The following CKAP5 variants were observed in gnomAD, a reference collection of about 807,000 sequenced individuals.
CKAP5 encodes cytoskeleton associated protein 5, also known as cytoskeleton-associated protein 5.
In CKAP5, 27 loss-of-function variants were observed where a neutral mutation model predicts 232.8. That is an observed-to-expected ratio of 0.12 (90% CI 0.09 to 0.16). The LOEUF (loss-of-function observed/expected upper bound fraction) is 0.16, where lower values mean the gene tolerates loss of function less well. Ranked by LOEUF, CKAP5 falls within the 10% of genes least tolerant of loss-of-function variation. CKAP5 has a pLI of 1.00. For missense variants in CKAP5, 1,838 were observed against 2,424.7 expected (o/e 0.76, Z 5.08); for synonymous variants, 785 against 841.1 (o/e 0.93, Z 1.16).
chr11:46,765,372 T>C (rs1414840409), intron 27 of CKAP5, 116 bp from the exon 28 acceptor site: 10 of 920,254 alleles, frequency 1.1e-5, no homozygotes, highest in Non-Finnish European at 1.5e-5. Flanking sequence ...TACGTGATAT[T>C]TCACATGAAA....
At chr11:46,778,903 C>T (rs894187717) in intron 20 of CKAP5, among the ~76,000 whole-genome samples, 1 of 151,986 alleles carries the variant, frequency 6.6e-6, no homozygotes, top group Non-Finnish European at 1.5e-5. Context: ...GGTGAAACCT[C>T]GTCTATACTA....
intron 1 of CKAP5, among the ~76,000 whole-genome samples, chr11:46,845,653 C>T (rs79319704): frequency 0.025 from 3,784 of 152,266 alleles, 150 homozygotes; most frequent in African/African-American, 0.086. Context: ...ACGCTCCCGA[C>T]ACGTTGAGAG....
chr11:46,798,337 G>A (rs1184679827), intron 9 of CKAP5, among the ~76,000 whole-genome samples, 165 bp from the exon 10 acceptor site: 1 of 152,142 alleles, frequency 6.6e-6, no homozygotes, highest in Non-Finnish European at 1.5e-5. Flanking sequence ...CACTTTGGGA[G>A]GCTGAGGCAG....
intron 1 of CKAP5, among the ~76,000 whole-genome samples, chr11:46,840,875 TA>T (rs201939718): frequency 1.3e-4 from 19 of 151,024 alleles, no homozygotes; most frequent in African/African-American, 4.1e-4. Flanking sequence ...GAAGCACAGG[TA>T]AAAAAAAACC....
intron 3 of CKAP5, 37 bp downstream of exon 3, chr11:46,818,273 G>C: frequency 6.8e-7 from 1 of 1,475,204 alleles, no homozygotes. Flanking sequence ...CACCAAACAG[G>C]GGTTTTTATC....
intron 1 of CKAP5, among the ~76,000 whole-genome samples, chr11:46,830,179 C>T (rs146245437): frequency 5.7e-4 from 86 of 152,042 alleles, no homozygotes; most frequent in Non-Finnish European, 1.1e-3. Context: ...CGGTGGCTCA[C>T]GCCTGCAATC....
At chr11:46,770,380 A>G in intron 25 of CKAP5, 1 of 389,042 alleles carries the variant, frequency 2.6e-6, no homozygotes, top group Non-Finnish European at 4.6e-6. Flanking sequence ...ACGATTTCAA[A>G]TTGAGACTCA....
At chr11:46,813,969 A>T (rs1471333543) in intron 4 of CKAP5, among the ~76,000 whole-genome samples, 1 of 151,586 alleles carries the variant, frequency 6.6e-6, no homozygotes, top group Non-Finnish European at 1.5e-5. Flanking sequence ...CATCTCTATT[A>T]AAGAAAAAAA....
At chr11:46,840,368 G>C (rs932596911) in intron 1 of CKAP5, among the ~76,000 whole-genome samples, 4 of 152,068 alleles carry the variant, frequency 2.6e-5, no homozygotes, top group Non-Finnish European at 4.4e-5. Flanking sequence ...CCTGAATCTA[G>C]AACAATGTGT....
chr11:46,752,305 T>C (rs567107536), intron 38 of CKAP5, among the ~76,000 whole-genome samples: 65 of 147,552 alleles, frequency 4.4e-4, no homozygotes, highest in South Asian at 1.1e-3. Context: ...ATAATACACA[T>C]ATATATAAAA....
intron 2 of CKAP5, among the ~76,000 whole-genome samples, chr11:46,820,071 A>G (rs1473194894): frequency 6.6e-6 from 1 of 152,092 alleles, no homozygotes; most frequent in Non-Finnish European, 1.5e-5. Flanking sequence ...CAAAAATCGG[A>G]AAGTCTAAGA....
intron 35 of CKAP5, 80 bp from the exon 36 acceptor site, chr11:46,755,147 A>G (rs4237546): frequency 1 from 977,383 of 978,326 alleles, 488,220 homozygotes; most frequent in East Asian, 1. Context: ...AAACTTCTCC[A>G]TAAGAATATT....
chr11:46,818,456 G>T lies in CKAP5; in HGVS notation c.105C>A (p.Phe35Leu), dbSNP rs751971869. The change falls in exon 3 of 44, where the codon TTC (phenylalanine) becomes TTA (leucine). Residue 35 changes from phenylalanine to leucine, a missense_variant. By Grantham distance (22) the Phe-to-Leu change is conservative. Transcript: ENST00000529230. ...GGCTCTTTTCATCCTTTATTTTCTG[G>T]AAGATCTTCAGGGCCTCTTCATACC... ...LSGYEEALKI[F>L]QKIKDEKSPE... is the part of the protein sequence containing the mutation. 4 of 1,606,352 alleles carry T rather than the reference G, an allele frequency of 2.5e-6. No individual in the cohort carries two copies. The highest frequency in any genetic ancestry group is 2.5e-6 in the Non-Finnish European group (3 of 1,177,282).
intron 1 of CKAP5, among the ~76,000 whole-genome samples, chr11:46,831,916 G>A (rs1346918207): frequency 2.1e-5 from 3 of 144,884 alleles, no homozygotes; most frequent in African/African-American, 5.2e-5. Context: ...TGAGGCTGGC[G>A]TGCAGTAGCA....
intron 1 of CKAP5, among the ~76,000 whole-genome samples, chr11:46,830,438 CT>C (rs1335891701): frequency 2.6e-5 from 1 of 38,276 alleles, no homozygotes; most frequent in Non-Finnish European, 4.9e-5. Flanking sequence ...AAGACTCCGT[CT>C]CAAAAAAAAA....
chr11:46,757,654 T>C (rs1320334796), intron 35 of CKAP5, among the ~76,000 whole-genome samples: 1 of 149,960 alleles, frequency 6.7e-6, no homozygotes, highest in Non-Finnish European at 1.5e-5. Context: ...CTGGCACGAT[T>C]TCGGCTCACT....
chr11:46,818,421 G>T lies in CKAP5; in HGVS notation c.140C>A (p.Ser47Tyr). The T allele has an allele frequency of 6.2e-7, 1 of 1,611,746 alleles. No individual in the cohort carries two copies. Among genetic ancestry groups the T allele is most frequent in the Non-Finnish European group, 8.5e-7 (1 of 1,179,128 alleles). Residue 47 changes from serine to tyrosine, a missense_variant, in exon 3 of 44, where the codon TCC becomes TAC. Physicochemically the swap from Ser to Tyr is moderately radical, Grantham distance 144. Transcript: ENST00000529230. ...TTTTTTGATCAATCCTAAAAATTTG[G>T]ACCACTCTGGGCTCTTTTCATCCTT... ...KIKDEKSPEW[S>Y]KFLGLIKKFV...
intron 16 of CKAP5, among the ~76,000 whole-genome samples, chr11:46,786,360 G>C (rs899652849): frequency 1.3e-5 from 2 of 152,134 alleles, no homozygotes; most frequent in African/African-American, 4.8e-5. Context: ...CTGGCAGGTG[G>C]GGGGACAGCT....
chr11:46,751,403 A>G lies in CKAP5; in HGVS notation c.5265T>C (p.Phe1755=). The G allele has an allele frequency of 6.2e-7, 1 of 1,614,116 alleles. No individual in the cohort carries two copies. Among genetic ancestry groups the G allele is most frequent in the Non-Finnish European group, 8.5e-7 (1 of 1,180,022 alleles). ...GCAGGGTCTTTAGGGTCCTTATGGGAAATTCACTTTTGCATTGCTTCAGTT... is the reference window on the plus strand; with the variant it reads ...GCAGGGTCTTTAGGGTCCTTATGGGGAATTCACTTTTGCATTGCTTCAGTT... ...KEKLKQCKSE[F]PIRTLKTLLH... The change falls in exon 39 of 44, where the codon TTT becomes TTC. Residue 1755 remains phenylalanine, a synonymous_variant. Transcript: ENST00000529230.
Sources: gnomAD v4.1 joint callset for allele counts (sites outside exome capture counted in the v4.1 genomes callset) on GRCh38, gnomAD v4.1.1 for gene constraint, MANE v1.5 for transcripts, NCBI Gene and HGNC (gene_info 2026-07-23, HGNC 2026-07-21) for gene names.